Variants in RIF1 observed in about 807,000 individuals in gnomAD.
RIF1 encodes the protein telomere-associated protein RIF1.
RIF1 carries 45 observed loss-of-function variants against 247.1 expected under a neutral mutation model. That is an observed-to-expected ratio of 0.18 (90% CI 0.14 to 0.23). The LOEUF is 0.23. Ranked by LOEUF, RIF1 falls within the 10% of genes least tolerant of loss-of-function variation. The pLI is 1.00. For synonymous variants in RIF1, 1,087 were observed against 978.8 expected (o/e 1.11, Z -2.06); for missense variants, 2,967 against 2,862.5 (o/e 1.04, Z -0.83).
chr2:151,424,850 T>C (rs1242235976), intron 8 of RIF1, among the ~76,000 whole-genome samples: 2,381 of 138,618 alleles, frequency 0.017, 54 homozygotes, highest in East Asian at 0.1. Context: ...TTTTTTTTTT[T>C]TTTTTTCCAT....
chr2:151,430,146 G>C (rs1022388154), intron 9 of RIF1, among the ~76,000 whole-genome samples: 1 of 149,228 alleles, frequency 6.7e-6, no homozygotes, highest in Non-Finnish European at 1.5e-5. Flanking sequence ...TCAGCCTCCC[G>C]ATTAGTTGGG....
At chr2:151,416,778 C>G (rs756004833) in intron 5 of RIF1, 29 bp from the exon 6 acceptor site, 6 of 1,601,594 alleles carry the variant, frequency 3.7e-6, no homozygotes, top group Admixed American at 3.5e-5. Context: ...AGGCTTATTT[C>G]ATTTGTATTT....
chr2:151,434,002 T>C (rs920032015), intron 10 of RIF1, among the ~76,000 whole-genome samples: 1 of 151,798 alleles, frequency 6.6e-6, no homozygotes, highest in Non-Finnish European at 1.5e-5. Context: ...TGAAACCCCG[T>C]GTCTACTAAA....
At chr2:151,523,574 T>G in the RIF1 span, among the ~76,000 whole-genome samples, 2 of 152,196 alleles carry the variant, frequency 1.3e-5, no homozygotes. Context: ...CTCTGATAGG[T>G]CTGGTGGTAG....
chr2:151,507,216 G>A, intron 13 of RIF1: 1 of 501,160 alleles, frequency 2.0e-6, no homozygotes, highest in Non-Finnish European at 3.5e-6. Flanking sequence ...TAAAGCTAGG[G>A]GTTTGTTTTT....
chr2:151,417,386 T>G (rs1217150535), intron 6 of RIF1, among the ~76,000 whole-genome samples: 1 of 152,236 alleles, frequency 6.6e-6, no homozygotes, highest in African/African-American at 2.4e-5. Context: ...CTTGTTGAGT[T>G]ACTTGCTTTA....
rs1197397510 is a variant in RIF1, at chr2:151,410,435, G to A, written c.12G>A (p.Arg4=). The A allele has an allele frequency of 6.2e-7, 1 of 1,612,878 alleles. No homozygotes were observed. Among genetic ancestry groups the A allele is most frequent in the Non-Finnish European group, 8.5e-7 (1 of 1,179,598 alleles). The part of the protein sequence containing the change: MTA[R]GQSPLAPLLE... The stretch of plus-strand genomic sequence containing the variant: ...TCAGGGTGGCCGACATGACGGCCAG[G>A]GGTCAGAGCCCCCTCGCGCCGCTGT... The change falls in exon 2 of 36, where the codon AGG becomes AGA. Residue 4 remains arginine, a synonymous_variant. Coordinates refer to ENST00000444746, the MANE Select transcript of RIF1 (RefSeq NM_018151.5).
intron 12 of RIF1, among the ~76,000 whole-genome samples, chr2:151,503,927 C>T (rs2066786869): frequency 6.6e-6 from 1 of 152,112 alleles, no homozygotes; most frequent in East Asian, 1.9e-4. Context: ...GAGCCTAGTC[C>T]CTGGATGTGA....
chr2:151,429,379 C>T (rs528521775), intron 9 of RIF1, among the ~76,000 whole-genome samples: 18 of 152,276 alleles, frequency 1.2e-4, no homozygotes, highest in Non-Finnish European at 2.4e-4. Context: ...CAGGGTTTCA[C>T]TATGTTGGCC....
chr2:151,519,789 C>G, the RIF1 span: 1 of 1,466,042 alleles, frequency 6.8e-7, no homozygotes. Flanking sequence ...ATGCAAACAT[C>G]CAAATTATTC....
intron 9 of RIF1, chr2:151,493,117 T>C (rs1260810910): frequency 2.4e-5 from 11 of 449,062 alleles, no homozygotes; most frequent in Non-Finnish European, 4.4e-5. Context: ...TAACTTGTTA[T>C]GTTTAGTATG....
At chr2:151,502,893 A>C (rs1245733436) in intron 11 of RIF1, 2 of 1,538,452 alleles carry the variant, frequency 1.3e-6, no homozygotes, top group Admixed American at 1.7e-5. Context: ...AACCTGTGAG[A>C]TACAAGAAAG....
At chr2:151,501,687 T>C (rs2064689737) in intron 11 of RIF1, among the ~76,000 whole-genome samples, 1 of 152,196 alleles carries the variant, frequency 6.6e-6, no homozygotes, top group Non-Finnish European at 1.5e-5. Context: ...AAGACATCAG[T>C]AAAACACAGC....
intron 9 of RIF1, chr2:151,490,106 A>G (rs2055002748): frequency 6.5e-7 from 1 of 1,538,230 alleles, no homozygotes; most frequent in South Asian, 1.2e-5. Context: ...ATTCTTTATA[A>G]GAAGAAAAAT....
chr2:151,507,434 A>C (rs1214522565), intron 13 of RIF1, among the ~76,000 whole-genome samples: 1 of 152,154 alleles, frequency 6.6e-6, no homozygotes, highest in Non-Finnish European at 1.5e-5. Context: ...TGAAGCAGAT[A>C]ATAATTATCT....
rs894867682 is a variant in RIF1 at position 151,490,180 on chromosome 2, G to GATTT, written c.*416-5048_*416-5045dup. 14 of 1,195,762 alleles carry GATTT rather than the reference G, an allele frequency of 1.2e-5. No individual in the cohort carries two copies. The African/African-American group carries it at 1.8e-4, about 16-fold the overall frequency. The allele number at this position is 1,195,762 out of a possible 1,614,324, so 74.1% of individuals were successfully genotyped here. The stretch of plus-strand genomic sequence containing the variant: ...ATGTCTTTTTCCCCCAACTTAGAAT[G>GATTT]ATTTCCAAAAAGAGAAATCAAAGAA... On this transcript the variant is annotated intron_variant and NMD_transcript_variant, in intron 9 of 13. Transcript: ENST00000454583.
At chr2:151,440,365 G>T (rs1242074015) in intron 15 of RIF1, among the ~76,000 whole-genome samples, 1 of 151,962 alleles carries the variant, frequency 6.6e-6, no homozygotes, top group Non-Finnish European at 1.5e-5. Context: ...AAAAGTATCC[G>T]CCATACAGAG....
intron 27 of RIF1, among the ~76,000 whole-genome samples, chr2:151,461,857 T>C (rs1696227705): frequency 6.6e-6 from 1 of 151,894 alleles, no homozygotes; most frequent in Non-Finnish European, 1.5e-5. Flanking sequence ...AGAACTGTAA[T>C]TTTCGTTTCT....
downstream of RIF1, chr2:151,486,894 T>C (rs2050927618): frequency 6.6e-6 from 1 of 152,224 alleles, no homozygotes; most frequent in Admixed American, 6.5e-5. Context: ...AGCATTTGTT[T>C]GTTTGTTTTA....
Sources: gnomAD v4.1 joint callset for allele counts (sites outside exome capture counted in the v4.1 genomes callset) on GRCh38, gnomAD v4.1.1 for gene constraint, MANE v1.5 for transcripts, NCBI Gene and HGNC (gene_info 2026-07-23, HGNC 2026-07-21) for gene names.